Variants in TRIM32 observed in about 807,000 individuals in gnomAD.
TRIM32 encodes the protein E3 ubiquitin-protein ligase TRIM32.
TRIM32 carries 19 observed loss-of-function variants against 36.0 expected under a neutral mutation model. That is an observed-to-expected ratio of 0.53 (90% CI 0.37 to 0.77). The LOEUF (loss-of-function observed/expected upper bound fraction) is 0.77. Ranked by LOEUF, TRIM32 falls within the 30% of genes least tolerant of loss-of-function variation. TRIM32 has a pLI of 0.00. For missense variants in TRIM32, 747 were observed against 845.2 expected (o/e 0.88, Z 1.44); for synonymous variants, 309 against 318.5 (o/e 0.97, Z 0.32).
chr9:116,688,199 G>A (rs1311316670), intron 1 of TRIM32, among the ~76,000 whole-genome samples: 1 of 152,066 alleles, frequency 6.6e-6, no homozygotes, highest in Non-Finnish European at 1.5e-5. Context: ...GGGCATATGA[G>A]TGAGGAATTG....
In TRIM32 at chr9:116,687,678, C is replaced by T. The variant is rs1397738628; in HGVS notation, c.-82+297C>T. ...CGGGAGGTATGAGGTAATGTCGGGGCCCTGAGGAGGAACGGGGTGTAGCAT... is the reference window on the plus strand; with the variant it reads ...CGGGAGGTATGAGGTAATGTCGGGGTCCTGAGGAGGAACGGGGTGTAGCAT... On this transcript the variant is annotated intron_variant, in intron 1 of 1. Transcript: ENST00000450136. Among the ~76,000 whole-genome samples the T allele has an allele frequency of 2.0e-5, 3 of 151,606 alleles. No individual in the cohort carries two copies. In the East Asian group the frequency reaches 5.9e-4, roughly 30 times the overall value.
intron 1 of TRIM32, among the ~76,000 whole-genome samples, chr9:116,696,752 T>G (rs1465089119): frequency 6.6e-6 from 1 of 152,180 alleles, no homozygotes; most frequent in African/African-American, 2.4e-5. Flanking sequence ...CCTAAAGACC[T>G]CTTGTATCTA....
chr9:116,699,717 T>A lies in TRIM32; in HGVS notation c.*13T>A. ...TTCCACCCCATAGGGGATGAGAAAT[T>A]ATCAGTTTCTTCTGCTCCCAAGCCA... On this transcript the variant is annotated 3_prime_UTR_variant, in exon 2 of 2. Coordinates refer to ENST00000450136, the MANE Select transcript of TRIM32 (RefSeq NM_012210.4). The surrounding 1 kb of genome is among the most constrained non-coding windows in gnomAD (Gnocchi z 4.2). 1 of 1,614,164 alleles carries A rather than the reference T, an allele frequency of 6.2e-7. No individual in the cohort carries two copies.
intron 1 of TRIM32, among the ~76,000 whole-genome samples, chr9:116,694,057 C>T (rs1860709443): frequency 6.6e-6 from 1 of 152,140 alleles, no homozygotes; most frequent in African/African-American, 2.4e-5. Context: ...CCTGGCAAAG[C>T]ATGGCAGCTT....
chr9:116,699,204 G>T lies in TRIM32; in HGVS notation c.1462G>T (p.Val488Leu), dbSNP rs748404804. 1 of 1,614,252 alleles carries T rather than the reference G, an allele frequency of 6.2e-7. No individual in the cohort carries two copies. The highest frequency in any genetic ancestry group is 8.5e-7 in the Non-Finnish European group (1 of 1,180,046). The change falls in exon 2 of 2, where the codon GTG becomes TTG. Residue 488 changes from valine (V) to leucine (L), a missense_variant. Physicochemically the swap from Val to Leu is conservative, Grantham distance 32. Transcript: ENST00000450136. This position sits in a 1 kb window ranked among gnomAD's most constrained non-coding sequence, Gnocchi z 4.2. ...LPSGQFVVTD[V>L]EGGKLWCFTV... ...ATCTGGCCAGTTTGTAGTAACCGAT[G>T]TGGAAGGTGGAAAGCTTTGGTGTTT...
Position 116,698,813 on chromosome 9 carries a change from T to C in TRIM32, c.1071T>C (p.Phe357=). The change falls in exon 2 of 2, where the codon TTT becomes TTC. Residue 357 remains phenylalanine, a synonymous_variant. Transcript: ENST00000450136. The surrounding 1 kb of genome is among the most constrained non-coding windows in gnomAD (Gnocchi z 4.4). ...CCTCCAATATCCAGCAGTGCCTCTT[T>C]CTCAAGAAGATGGGGGCCAAAGGCA... is the stretch of plus-strand genomic sequence containing the variant. ...EAASNIQQCL[F]LKKMGAKGST... is the part of the protein sequence containing the mutation. 6.2e-7 allele frequency: 1 copy of C among 1,614,178 alleles called. No individual in the cohort carries two copies. Among genetic ancestry groups the C allele is most frequent in the Non-Finnish European group, 8.5e-7 (1 of 1,180,040 alleles).
chr9:116,697,581 T>C (rs1860928184), intron 1 of TRIM32, 81 bp from the exon 2 acceptor site: 1 of 892,666 alleles, frequency 1.1e-6, no homozygotes, highest in Admixed American at 2.3e-5. Flanking sequence ...TGACTGGTCA[T>C]AGCTATTCTC....
intron 1 of TRIM32, among the ~76,000 whole-genome samples, chr9:116,694,406 A>G (rs940885587): frequency 6.7e-6 from 1 of 149,724 alleles, no homozygotes; most frequent in Non-Finnish European, 1.5e-5. Context: ...AGAGAACTGT[A>G]GCTATTGATT....
chr9:116,696,950 TAAAAAAAAA>T (rs11400163), intron 1 of TRIM32, among the ~76,000 whole-genome samples: 1 of 137,124 alleles, frequency 7.3e-6, no homozygotes, highest in African/African-American at 2.7e-5. Context: ...GTGACATGAT[TAAAAAAAAA>T]AAAAAAAGCC....
chr9:116,698,083 G>A lies in TRIM32; in HGVS notation c.341G>A (p.Ser114Asn), dbSNP rs192516080. 4 of 1,614,148 alleles carry A rather than the reference G, an allele frequency of 2.5e-6. No individual in the cohort carries two copies. Among genetic ancestry groups the A allele is most frequent in the South Asian group, 1.1e-5 (1 of 91,080 alleles). The change falls in exon 2 of 2, where the codon AGC (serine) becomes AAC (asparagine). Residue 114 changes from serine to asparagine, a missense_variant. Ser to Asn is a conservative substitution (Grantham distance 46, BLOSUM62 1). Coordinates refer to ENST00000450136, the MANE Select transcript of TRIM32 (RefSeq NM_012210.4). The surrounding 1 kb of genome is among the most constrained non-coding windows in gnomAD (Gnocchi z 4.4). The part of the protein sequence containing the change: ...GRRLPRQFCR[S>N]CGLVLCEPCR... The stretch of plus-strand genomic sequence containing the variant: ...CGTCTGCCCCGGCAATTCTGCCGGA[G>A]CTGTGGTTTGGTGTTATGTGAGCCC...
chr9:116,695,600 C>A (rs894563373), intron 1 of TRIM32, among the ~76,000 whole-genome samples: 1 of 152,172 alleles, frequency 6.6e-6, no homozygotes, highest in East Asian at 1.9e-4. Flanking sequence ...ACTTGCCCTC[C>A]ACTTCCTCCT....
intron 1 of TRIM32, among the ~76,000 whole-genome samples, chr9:116,694,791 G>A (rs530705016): frequency 6.6e-6 from 1 of 152,018 alleles, no homozygotes; most frequent in African/African-American, 2.4e-5. Flanking sequence ...ATTTCTATCA[G>A]TATGTCTATG....
rs150477945 is a variant in TRIM32 at position 116,698,081 on chromosome 9, G to C, written c.339G>C (p.Arg113=). Residue 113 remains arginine (R), a synonymous_variant, in exon 2 of 2, where the codon CGG becomes CGC. Coordinates refer to ENST00000450136, the MANE Select transcript of TRIM32 (RefSeq NM_012210.4). The surrounding 1 kb of genome is among the most constrained non-coding windows in gnomAD (Gnocchi z 4.4). ...GGCGTCTGCCCCGGCAATTCTGCCG[G>C]AGCTGTGGTTTGGTGTTATGTGAGC... is the stretch of plus-strand genomic sequence containing the variant. ...CGRRLPRQFC[R]SCGLVLCEPC... is the part of the protein sequence containing the mutation. 200 of 1,614,020 alleles carry C rather than the reference G, an allele frequency of 1.2e-4. No individual in the cohort carries two copies. The highest frequency in any genetic ancestry group is 1.6e-4 in the Non-Finnish European group (184 of 1,180,054).
At position 116,699,489 on chromosome 9, in the gene TRIM32, G is replaced by A. The variant is rs549155360; in HGVS notation, c.1747G>A (p.Val583Met). 4 of 1,614,220 alleles carry A rather than the reference G, an allele frequency of 2.5e-6. No homozygotes were observed. Among genetic ancestry groups the A allele is most frequent in the Non-Finnish European group, 3.4e-6 (4 of 1,180,042 alleles). The change falls in exon 2 of 2, where the codon GTG (valine) becomes ATG (methionine). Residue 583 changes from valine to methionine, a missense_variant. Transcript: ENST00000450136. The surrounding 1 kb of genome is among the most constrained non-coding windows in gnomAD (Gnocchi z 4.2). ...EDFRCIAGMC[V>M]DARGDLIVAD... Reference sequence around the variant, plus strand: ...TTTCCGCTGCATTGCTGGCATGTGTGTGGATGCTCGTGGTGATCTCATCGT... The same window carrying A: ...TTTCCGCTGCATTGCTGGCATGTGTATGGATGCTCGTGGTGATCTCATCGT...
Position 116,701,008 on chromosome 9 carries a change from A to G in TRIM32, c.*1304A>G, listed in dbSNP as rs1395846067. ...ATTCTGAGCTTCTGCTGTATGTTTTATGTTTATAATTACAGTTCACAAAAA... is the reference window on the plus strand; with the variant it reads ...ATTCTGAGCTTCTGCTGTATGTTTTGTGTTTATAATTACAGTTCACAAAAA... On this transcript the variant is annotated 3_prime_UTR_variant, in exon 2 of 2. Coordinates refer to ENST00000450136, the MANE Select transcript of TRIM32 (RefSeq NM_012210.4). The G allele has an allele frequency of 1.2e-5, 2 of 167,062 alleles. No homozygotes were observed. Among genetic ancestry groups the G allele is most frequent in the African/African-American group, 2.4e-5 (1 of 41,436 alleles). 10.3% of individuals were successfully genotyped at this position (167,062 alleles called of 1,614,324 possible). A position where few individuals can be genotyped will look rare whatever the true frequency, so the allele number is the denominator to read the frequency against.
At position 116,700,080 on chromosome 9, in the gene TRIM32, C is replaced by G. The variant is rs1861097209; in HGVS notation, c.*376C>G. On this transcript the variant is annotated 3_prime_UTR_variant, in exon 2 of 2. Coordinates refer to ENST00000450136, the MANE Select transcript of TRIM32 (RefSeq NM_012210.4). ...CCATTTGGCTTTGATGCCCTTGATCCATTGTTTCCTTCCTACTATAATGTG... is the reference window on the plus strand; with the variant it reads ...CCATTTGGCTTTGATGCCCTTGATCGATTGTTTCCTTCCTACTATAATGTG... The G allele has an allele frequency of 6.4e-6, 2 of 311,984 alleles. No homozygotes were observed. The highest frequency in any genetic ancestry group is 6.4e-6 in the Non-Finnish European group (1 of 157,204). 19.3% of individuals were successfully genotyped at this position (311,984 alleles called of 1,614,324 possible). A position where few individuals can be genotyped will look rare whatever the true frequency, so the allele number is the denominator to read the frequency against.
intron 1 of TRIM32, among the ~76,000 whole-genome samples, chr9:116,690,449 A>G (rs896921421): frequency 6.6e-6 from 1 of 152,176 alleles, no homozygotes; most frequent in African/African-American, 2.4e-5. Context: ...CAGAGCCCCT[A>G]TGTTTATGTC....
rs1054692212 is a variant in TRIM32 at position 116,701,022 on chromosome 9, A to G, written c.*1318A>G. ...CTGTATGTTTTATGTTTATAATTAC[A>G]GTTCACAAAAAGGAAGTTAGTCTTG... is the stretch of plus-strand genomic sequence containing the variant. On this transcript the variant is annotated 3_prime_UTR_variant, in exon 2 of 2. Transcript: ENST00000450136. 6.0e-6 allele frequency: 1 copy of G among 167,112 alleles called. No individual in the cohort carries two copies. Among genetic ancestry groups the G allele is most frequent in the African/African-American group, 2.4e-5 (1 of 41,442 alleles). 10.4% of individuals were successfully genotyped at this position (167,112 alleles called of 1,614,324 possible). A position where few individuals can be genotyped will look rare whatever the true frequency, so the allele number is the denominator to read the frequency against.
rs1210051303 is a variant in TRIM32, at chr9:116,698,350, G to A, written c.608G>A (p.Arg203Gln). ...RRVQDELARS[R>Q]KFFTGSLAEV... ...GTCCAGGATGAGCTGGCTCGCTCTC[G>A]GAAGTTCTTCACAGGCTCTTTGGCT... The change falls in exon 2 of 2, where the codon CGG becomes CAG. Residue 203 changes from arginine to glutamine, a missense_variant. Coordinates refer to ENST00000450136, the MANE Select transcript of TRIM32 (RefSeq NM_012210.4). This position sits in a 1 kb window ranked among gnomAD's most constrained non-coding sequence, Gnocchi z 4.4. The A allele has an allele frequency of 8.7e-6, 14 of 1,614,112 alleles. No homozygotes were observed. Among genetic ancestry groups the A allele is most frequent in the East Asian group, 2.2e-5 (1 of 44,876 alleles).
Sources: gnomAD v4.1 joint callset for allele counts (sites outside exome capture counted in the v4.1 genomes callset) on GRCh38, gnomAD v4.1.1 for gene constraint, Gnocchi (gnomAD v3.1) non-coding constraint, MANE v1.5 for transcripts, NCBI Gene and HGNC (gene_info 2026-07-23, HGNC 2026-07-21) for gene names.